Variants in WRN observed in about 807,000 individuals in gnomAD.
WRN encodes the protein bifunctional 3'-5' exonuclease/ATP-dependent helicase WRN.
In WRN, 149 loss-of-function variants were observed where a neutral mutation model predicts 180.7. That is an observed-to-expected ratio of 0.82 (90% CI 0.72 to 0.94). WRN has a LOEUF of 0.94. Among genes scored for constraint, WRN ranks in the 40% least tolerant of loss-of-function variants. WRN has a pLI of 0.00. For synonymous variants in WRN, 548 were observed against 568.9 expected, an observed-to-expected ratio of 0.96 and a Z score of 0.52; for missense variants, 1,661 against 1,700.1, an observed-to-expected ratio of 0.98 and a Z score of 0.40.
chr8:31,084,311 A>T (rs1304888424), intron 10 of WRN, among the ~76,000 whole-genome samples: 4 of 152,108 alleles, frequency 2.6e-5, no homozygotes, highest in African/African-American at 9.7e-5. Context: ...GGATTTCATG[A>T]TTTGACTGAC....
At chr8:31,128,715 C>T (rs960911756) in intron 23 of WRN, among the ~76,000 whole-genome samples, 22 of 152,044 alleles carry the variant, frequency 1.4e-4, no homozygotes, top group African/African-American at 4.6e-4. Flanking sequence ...AAAAATTAGC[C>T]GGATGTGGTG....
intron 23 of WRN, among the ~76,000 whole-genome samples, chr8:31,125,879 C>T (rs1801911131): frequency 6.6e-6 from 1 of 150,996 alleles, no homozygotes. Context: ...ACAGCAACAT[C>T]TAGATTAGTG....
At chr8:31,151,357 T>G (rs1013833311) in intron 31 of WRN, among the ~76,000 whole-genome samples, 1 of 152,198 alleles carries the variant, frequency 6.6e-6, no homozygotes, top group Non-Finnish European at 1.5e-5. Flanking sequence ...CACAGTTGGA[T>G]CCTACTTTAG....
intron 18 of WRN, among the ~76,000 whole-genome samples, chr8:31,101,494 T>C (rs1041790878): frequency 7.9e-5 from 12 of 152,012 alleles, no homozygotes; most frequent in African/African-American, 2.4e-4. Context: ...TTATAAAAAA[T>C]AGCAAATTTT....
At chr8:31,087,676 C>T (rs1813585131) in intron 11 of WRN, 100 bp from the exon 12 acceptor site, 14 of 1,298,582 alleles carry the variant, frequency 1.1e-5, no homozygotes, top group Non-Finnish European at 1.5e-5. Context: ...CAGCTTTCGA[C>T]AAAATTGTAG....
intron 18 of WRN, among the ~76,000 whole-genome samples, chr8:31,104,156 CCA>C (rs1800994888): frequency 6.6e-6 from 1 of 152,200 alleles, no homozygotes; most frequent in Non-Finnish European, 1.5e-5. Flanking sequence ...AACCTGTTTT[CCA>C]AAGTGGCTGT....
intron 27 of WRN, among the ~76,000 whole-genome samples, chr8:31,143,084 C>A (rs557504100): frequency 2.6e-5 from 4 of 151,848 alleles, no homozygotes; most frequent in African/African-American, 9.7e-5. Context: ...CACACACACA[C>A]ACATGCACAC....
chr8:31,171,329 T>G (rs1383461407), intron 34 of WRN: 1 of 145,978 alleles, frequency 6.9e-6, no homozygotes, highest in Non-Finnish European at 1.5e-5. Flanking sequence ...CTAAACAAAT[T>G]TACAAGAAAA....
chr8:31,129,594 A>G (rs1192374351), intron 23 of WRN, among the ~76,000 whole-genome samples: 1 of 152,188 alleles, frequency 6.6e-6, no homozygotes, highest in Non-Finnish European at 1.5e-5. Flanking sequence ...CACTTAAATA[A>G]TTCATATTCA....
intron 24 of WRN, among the ~76,000 whole-genome samples, chr8:31,135,034 A>C (rs2130386644): frequency 6.6e-6 from 1 of 152,132 alleles, no homozygotes; most frequent in Admixed American, 6.5e-5. Flanking sequence ...CACCAAAAAA[A>C]GTTAAAGTGT....
At chr8:31,164,645 A>G (rs1163706350) in intron 33 of WRN, among the ~76,000 whole-genome samples, 1 of 152,172 alleles carries the variant, frequency 6.6e-6, no homozygotes, top group African/African-American at 2.4e-5. Flanking sequence ...GATTCTAACT[A>G]TGCTAAATAA....
chr8:31,081,281 T>A lies in WRN; in HGVS notation c.1254T>A (p.Ala418=), dbSNP rs1294330558. The A allele has an allele frequency of 1.2e-6, 2 of 1,613,374 alleles. No individual in the cohort carries two copies. The highest frequency in any genetic ancestry group is 1.3e-5 in the African/African-American group (1 of 74,910). The change falls in exon 9 of 35, where the codon GCT becomes GCA. Residue 418 remains alanine, a synonymous_variant. Transcript: ENST00000298139. The part of the protein sequence containing the change: ...QSQEEYLSDI[A]YKSTEHLSPN... ...AGGAAGAATATCTTAGTGATATTGC[T>A]TATAAATCTACTGAGGTACTAAATA...
chr8:31,127,933 T>TA (rs1478097290), intron 23 of WRN, among the ~76,000 whole-genome samples: 3 of 150,816 alleles, frequency 2.0e-5, no homozygotes, highest in Non-Finnish European at 4.4e-5. Context: ...CTGTCTCACA[T>TA]AAAAAAAATA....
chr8:31,069,276 A>C (rs960193993), intron 7 of WRN, among the ~76,000 whole-genome samples: 14 of 152,250 alleles, frequency 9.2e-5, no homozygotes, highest in African/African-American at 3.1e-4. Context: ...TGTGGGTGGC[A>C]GGCCCTCCTT....
chr8:31,064,449 A>G lies in WRN; in HGVS notation c.355+15A>G. ...TTCCATGTCAGGTTGGTATCTCTAC[A>G]TTTCATTTTTATATGGCTGATAATT... On this transcript the variant is annotated intron_variant, in intron 4 of 34. Transcript: ENST00000298139. 1.2e-6 allele frequency: 2 copies of G among 1,613,978 alleles called. No individual in the cohort carries two copies. The highest frequency in any genetic ancestry group is 1.7e-6 in the Non-Finnish European group (2 of 1,179,930).
chr8:31,106,967 T>C lies in WRN; in HGVS notation c.2089-4648T>C, dbSNP rs118176032. Among the ~76,000 whole-genome samples the C allele has an allele frequency of 2.4e-4, 36 of 152,254 alleles. No homozygotes were observed. In the East Asian group the frequency reaches 6.9e-3, roughly 29 times the overall value. ...TTTCCAAAACAGGTAGTGGGCAGTA[T>C]AGAGTTGGGCCATAAATAGCTGCAC... is the stretch of plus-strand genomic sequence containing the variant. On this transcript the variant is annotated intron_variant, in intron 18 of 34. Transcript: ENST00000298139.
chr8:31,093,402 AGTT>A (rs754133241), intron 16 of WRN, among the ~76,000 whole-genome samples: 6 of 152,042 alleles, frequency 3.9e-5, no homozygotes, highest in Admixed American at 2.0e-4. Flanking sequence ...CACCTGATGC[AGTT>A]GTTGTTGTTG....
At chr8:31,162,454 A>G (rs1202675993) in intron 33 of WRN, among the ~76,000 whole-genome samples, 1 of 152,190 alleles carries the variant, frequency 6.6e-6, no homozygotes, top group East Asian at 1.9e-4. Context: ...CTCCTGTGAT[A>G]ACAATGCCTT....
At chr8:31,091,924 T>A in intron 16 of WRN, 26 bp downstream of exon 16, 1 of 1,608,944 alleles carries the variant, frequency 6.2e-7, no homozygotes, top group Non-Finnish European at 8.5e-7. Context: ...CCCTCAACTT[T>A]TATTTTGGAT....
Sources: gnomAD v4.1 joint callset for allele counts (sites outside exome capture counted in the v4.1 genomes callset) on GRCh38, gnomAD v4.1.1 for gene constraint, MANE v1.5 for transcripts, NCBI Gene and HGNC (gene_info 2026-07-23, HGNC 2026-07-21) for gene names.